Variants in NEIL2 observed in about 807,000 individuals in gnomAD.
NEIL2 encodes endonuclease 8-like 2.
In NEIL2, 23 loss-of-function variants were observed where a neutral mutation model predicts 22.2. That is an observed-to-expected ratio of 1.04 (90% CI 0.75 to 1.47). NEIL2 has a LOEUF of 1.47. NEIL2 is among the 40% of genes most tolerant of loss of function. The pLI, the probability that NEIL2 is intolerant of heterozygous loss-of-function variation, is 0.00. For synonymous variants in NEIL2, 229 were observed against 164.8 expected (o/e 1.39, Z -2.99); for missense variants, 583 against 404.7 (o/e 1.44, Z -3.78).
At chr8:11,771,377 G>T in intron 1 of NEIL2, 69 bp from the exon 2 acceptor site, 1 of 1,595,584 alleles carries the variant, frequency 6.3e-7, no homozygotes, top group Non-Finnish European at 8.6e-7. Flanking sequence ...AGGATGCTTG[G>T]CACCTGTTAA....
In NEIL2 at chr8:11,783,273, C is replaced by G. The variant is rs758619786; in HGVS notation, c.562C>G (p.Pro188Ala). 97 of 1,614,088 alleles carry G rather than the reference C, an allele frequency of 6.0e-5. No individual in the cohort carries two copies. Among genetic ancestry groups the G allele is most frequent in the Non-Finnish European group, 7.4e-5 (87 of 1,180,038 alleles). The change falls in exon 4 of 5, where the codon CCA becomes GCA. Residue 188 changes from proline (P) to alanine (A), a missense_variant. Pro to Ala is a conservative substitution (Grantham distance 27, BLOSUM62 -1). Coordinates refer to ENST00000284503, the MANE Select transcript of NEIL2 (RefSeq NM_145043.4). ...YNCQLSWSSS[P>A]VVTPTCDILS... ...TTGTCAGTTGTCTTGGAGCTCTTCC[C>G]CAGTGGTCACACCCACCTGTGACAT...
chr8:11,772,075 C>T (rs764541242), intron 2 of NEIL2, among the ~76,000 whole-genome samples: 4 of 151,996 alleles, frequency 2.6e-5, no homozygotes, highest in African/African-American at 9.7e-5. Flanking sequence ...TGGTGGTGGG[C>T]GCCTGTAATC....
intron 2 of NEIL2, among the ~76,000 whole-genome samples, chr8:11,776,782 C>G (rs879656043): frequency 1.3e-5 from 2 of 152,196 alleles, no homozygotes; most frequent in African/African-American, 4.8e-5. Flanking sequence ...TGGGGCTCCC[C>G]TCTGCTGCAG....
chr8:11,780,485 A>G (rs937363974), intron 3 of NEIL2, among the ~76,000 whole-genome samples: 2 of 152,194 alleles, frequency 1.3e-5, no homozygotes, highest in East Asian at 1.9e-4. Context: ...GGTTCAACCA[A>G]TTCTCCTGCC....
intron 3 of NEIL2, 28 bp from the exon 4 acceptor site, chr8:11,783,175 G>A (rs1171017408): frequency 6.2e-7 from 1 of 1,607,272 alleles, no homozygotes; most frequent in East Asian, 2.2e-5. Flanking sequence ...GTAACGATGT[G>A]TACATATGAC....
chr8:11,784,682 G>T (rs1248239273), intron 4 of NEIL2, among the ~76,000 whole-genome samples: 1 of 152,190 alleles, frequency 6.6e-6, no homozygotes, highest in African/African-American at 2.4e-5. Flanking sequence ...TCCACTGTGG[G>T]TTACTAAAGA....
intron 2 of NEIL2, among the ~76,000 whole-genome samples, chr8:11,776,956 C>G (rs1803955433): frequency 6.6e-6 from 1 of 152,168 alleles, no homozygotes; most frequent in African/African-American, 2.4e-5. Flanking sequence ...AGCGCACGCC[C>G]TGGCTGCTGT....
chr8:11,781,876 A>G (rs1804452292), intron 3 of NEIL2, among the ~76,000 whole-genome samples: 1 of 151,968 alleles, frequency 6.6e-6, no homozygotes, highest in Admixed American at 6.6e-5. Context: ...CCTGGGCAAC[A>G]TAGTGAAGAC....
At chr8:11,780,463 C>G (rs1484610887) in intron 3 of NEIL2, among the ~76,000 whole-genome samples, 1 of 152,196 alleles carries the variant, frequency 6.6e-6, no homozygotes. Flanking sequence ...TCACTGCAAC[C>G]TCTGCCTCCC....
At chr8:11,785,842 A>C (rs1804877198) in intron 4 of NEIL2, 121 bp from the exon 5 acceptor site, 7 of 872,864 alleles carry the variant, frequency 8.0e-6, no homozygotes, top group Non-Finnish European at 1.4e-5. Context: ...CAGAGATCGC[A>C]GACCCGTCTA....
At position 11,771,551 on chromosome 8, in the gene NEIL2, C is replaced by T; in HGVS notation, c.104C>T (p.Ala35Val). 1 of 1,614,076 alleles carries T rather than the reference C, an allele frequency of 6.2e-7. No homozygotes were observed. The highest frequency in any genetic ancestry group is 8.5e-7 in the Non-Finnish European group (1 of 1,179,998). ...TGGSSKKLQPASLQSLWLQDT... is the reference protein window; with the variant it reads ...TGGSSKKLQPVSLQSLWLQDT... The stretch of plus-strand genomic sequence containing the variant: ...GGCAGCAGTAAGAAGCTACAGCCCG[C>T]CAGCCTGCAGTCTCTGTGGCTCCAG... The change falls in exon 2 of 5, where the codon GCC becomes GTC. Residue 35 changes from alanine (A) to valine (V), a missense_variant. Coordinates refer to ENST00000284503, the MANE Select transcript of NEIL2 (RefSeq NM_145043.4).
intron 2 of NEIL2, among the ~76,000 whole-genome samples, chr8:11,772,414 C>G (rs529249761): frequency 3.9e-5 from 6 of 152,164 alleles, no homozygotes; most frequent in Admixed American, 6.5e-5. Flanking sequence ...CCTGCTCAAG[C>G]ACTTCTTCCT....
chr8:11,779,693 G>T lies in NEIL2; in HGVS notation c.234G>T (p.Val78=). 6.2e-7 allele frequency: 1 copy of T among 1,614,078 alleles called. No individual in the cohort carries two copies. Among genetic ancestry groups the T allele is most frequent in the Non-Finnish European group, 8.5e-7 (1 of 1,180,006 alleles). Residue 78 remains valine (V), a synonymous_variant, in exon 3 of 5, where the codon GTG becomes GTT. Transcript: ENST00000284503. ...SPTPEPPQKE[V]QKEGAADPKQ... is the part of the protein sequence containing the mutation. ...CACCAGAGCCTCCACAAAAAGAAGT[G>T]CAGAAGGAAGGGGCTGCGGACCCAA...
At chr8:11,773,256 G>A (rs569387733) in intron 2 of NEIL2, among the ~76,000 whole-genome samples, 3 of 152,166 alleles carry the variant, frequency 2.0e-5, no homozygotes, top group Non-Finnish European at 4.4e-5. Context: ...ATGGATGTGC[G>A]GTGAAGGAAC....
Position 11,783,064 on chromosome 8 carries a change from T to C in NEIL2, c.492-139T>C, listed in dbSNP as rs1804575173. ...CGATGTGGGGATGTCTGTATGTGTG[T>C]ATGATCCAGCCACAGAGTGTGCTCT... is the stretch of plus-strand genomic sequence containing the variant. On this transcript the variant is annotated intron_variant, in intron 3 of 4. Transcript: ENST00000284503. 4 of 763,230 alleles carry C rather than the reference T, an allele frequency of 5.2e-6. No individual in the cohort carries two copies. The East Asian group carries it at 1.0e-4, about 19-fold the overall frequency. 47.3% of individuals were successfully genotyped at this position (763,230 alleles called of 1,614,324 possible). A position where few individuals can be genotyped will look rare whatever the true frequency, so the allele number is the denominator to read the frequency against.
At position 11,783,290 on chromosome 8, in the gene NEIL2, C is replaced by T. The variant is rs763338476; in HGVS notation, c.579C>T (p.Thr193=). ...GCTCTTCCCCAGTGGTCACACCCAC[C>T]TGTGACATCCTGTCTGAGAAGTTCC... is the stretch of plus-strand genomic sequence containing the variant. ...SWSSSPVVTP[T]CDILSEKFHR... Residue 193 remains threonine (T), a synonymous_variant, in exon 4 of 5, where the codon ACC becomes ACT. Coordinates refer to ENST00000284503, the MANE Select transcript of NEIL2 (RefSeq NM_145043.4). 2.5e-5 allele frequency: 41 copies of T among 1,613,830 alleles called. No individual in the cohort carries two copies. Among genetic ancestry groups the T allele is most frequent in the Non-Finnish European group, 3.3e-5 (39 of 1,179,796 alleles).
At chr8:11,780,102 C>T in intron 3 of NEIL2, 152 bp downstream of exon 3, 1 of 641,502 alleles carries the variant, frequency 1.6e-6, no homozygotes, top group Non-Finnish European at 2.7e-6. Context: ...ACCTCTGTAT[C>T]TACCTGTGAT....
rs1804979050 is a variant in NEIL2 at position 11,786,598 on chromosome 8, G to A, written c.*325G>A. The A allele has an allele frequency of 2.6e-6, 1 of 387,084 alleles. No individual in the cohort carries two copies. Among genetic ancestry groups the A allele is most frequent in the Non-Finnish European group, 4.8e-6 (1 of 207,522 alleles). The allele number at this position is 387,084 out of a possible 1,614,324, so 24.0% of individuals were successfully genotyped here. ...AAGAAAGCCTATGGGAAATGGCTGT[G>A]CTCCCAACATAGCTTTGCAGATGAT... On this transcript the variant is annotated 3_prime_UTR_variant, in exon 5 of 5. Coordinates refer to ENST00000284503, the MANE Select transcript of NEIL2 (RefSeq NM_145043.4).
chr8:11,779,572 C>T, intron 2 of NEIL2, 26 bp from the exon 3 acceptor site: 1 of 1,550,952 alleles, frequency 6.4e-7, no homozygotes, highest in Admixed American at 1.7e-5. Flanking sequence ...GTCTGTAAGG[C>T]TTGGATCTCT....
Sources: allele counts gnomAD v4.1 joint callset (sites outside exome capture counted in the v4.1 genomes callset), GRCh38; gene constraint gnomAD v4.1.1; transcripts MANE v1.5; gene names NCBI Gene and HGNC (gene_info 2026-07-23, HGNC 2026-07-21).